CACNA1E: variants seen among roughly 807,000 people sequenced by gnomAD.
CACNA1E encodes the protein voltage-dependent R-type calcium channel subunit alpha-1E.
Under a neutral mutation model 259.2 loss-of-function variants are expected in CACNA1E, and 40 were observed. The observed-to-expected ratio is 0.15, with a 90% CI of 0.12 to 0.20. The LOEUF (loss-of-function observed/expected upper bound fraction) is 0.20, where lower values mean the gene tolerates loss of function less well. Among genes scored for constraint, CACNA1E ranks in the 10% least tolerant of loss-of-function variants. CACNA1E has a pLI of 1.00. For synonymous variants in CACNA1E, 1,104 were observed against 1,138.5 expected, an observed-to-expected ratio of 0.97 and a Z score of 0.61; for missense variants, 1,874 against 3,040.1, an observed-to-expected ratio of 0.62 and a Z score of 9.02.
chr1:181,721,977 A>G, intron 16 of CACNA1E, 102 bp downstream of exon 16: 1 of 768,832 alleles, frequency 1.3e-6, no homozygotes, highest in Admixed American at 1.8e-5. Context: ...TTGGTGGGAC[A>G]GGGGCGTGGA....
intron 3 of CACNA1E, among the ~76,000 whole-genome samples, chr1:181,557,217 C>G (rs577032075): frequency 6.6e-6 from 1 of 152,120 alleles, no homozygotes; most frequent in Non-Finnish European, 1.5e-5. Context: ...CTGGCTGTGC[C>G]GTACAAAGTA....
At position 181,511,499 on chromosome 1, in the gene CACNA1E, G is replaced by C. The variant is rs3856089; in HGVS notation, c.501G>C (p.Val167=). 2.1e-4 allele frequency: 336 copies of C among 1,613,648 alleles called. 1 individual carries two copies. In the African/African-American group the frequency reaches 4.3e-3, roughly 20 times the overall value. ...GCTGGAATGTCATGGACTTCATCGT[G>C]GTCCTCAGTGGGTAAGTCCATTTTC... ...RNGWNVMDFI[V]VLSGILATAG... is the part of the protein sequence containing the mutation. Residue 167 remains valine, a synonymous_variant, in exon 3 of 48, where the codon GTG becomes GTC. Transcript: ENST00000367573.
In CACNA1E at chr1:181,785,836, C is replaced by T. The variant is rs752903811; in HGVS notation, c.5786+17C>T. Reference sequence around the variant, plus strand: ...TTCAGGCCTGTGAGTAGCACCAAAACATCCCTGGCATGGCTGTTTGCAATC... The same window carrying T: ...TTCAGGCCTGTGAGTAGCACCAAAATATCCCTGGCATGGCTGTTTGCAATC... On this transcript the variant is annotated intron_variant, in intron 43 of 47. Coordinates refer to ENST00000367573, the MANE Select transcript of CACNA1E (RefSeq NM_001205293.3). 6.6e-7 allele frequency: 1 copy of T among 1,505,750 alleles called. No individual in the cohort carries two copies. The highest frequency in any genetic ancestry group is 9.1e-7 in the Non-Finnish European group (1 of 1,093,776). 93.3% of individuals were successfully genotyped at this position (1,505,750 alleles called of 1,614,324 possible). A position where few individuals can be genotyped will look rare whatever the true frequency, so the allele number is the denominator to read the frequency against.
At chr1:181,604,002 G>T (rs940136555) in intron 6 of CACNA1E, among the ~76,000 whole-genome samples, 6 of 152,142 alleles carry the variant, frequency 3.9e-5, no homozygotes, top group Admixed American at 3.9e-4. Flanking sequence ...TCTGTACCTT[G>T]CCCTTCCCTG....
chr1:181,738,506 A>C, intron 24 of CACNA1E, 80 bp downstream of exon 24: 1 of 1,134,962 alleles, frequency 8.8e-7, no homozygotes, highest in Non-Finnish European at 1.3e-6. Flanking sequence ...GCCCTTCCTC[A>C]GTGTTACCAC....
intron 6 of CACNA1E, among the ~76,000 whole-genome samples, chr1:181,587,076 AC>A (rs1466390934): frequency 6.6e-6 from 1 of 152,128 alleles, no homozygotes; most frequent in Non-Finnish European, 1.5e-5. Context: ...CATTCATAGT[AC>A]TAGGAGTAGA....
At chr1:181,736,224 A>T (rs752638336) in intron 21 of CACNA1E, 51 bp from the exon 22 acceptor site, 166 of 1,535,770 alleles carry the variant, frequency 1.1e-4, no homozygotes, top group Non-Finnish European at 1.4e-4. Flanking sequence ...AAATGGTGCC[A>T]TTTTCACATG....
At chr1:181,685,847 A>G (rs537292582) in intron 7 of CACNA1E, among the ~76,000 whole-genome samples, 1 of 152,300 alleles carries the variant, frequency 6.6e-6, no homozygotes, top group Admixed American at 6.5e-5. Flanking sequence ...CCTATGTTGT[A>G]TATAAAATGA....
chr1:181,780,604 G>A (rs1324534436), intron 38 of CACNA1E, among the ~76,000 whole-genome samples: 1 of 152,226 alleles, frequency 6.6e-6, no homozygotes, highest in East Asian at 1.9e-4. Flanking sequence ...AGCTGCCTCT[G>A]CTGAGACTCT....
chr1:181,785,454 C>T (rs1660771897), intron 42 of CACNA1E, 36 bp downstream of exon 42: 1 of 1,417,714 alleles, frequency 7.1e-7, no homozygotes, highest in African/African-American at 1.4e-5. Context: ...GTGGGTGGGC[C>T]ATGAGGAGTT....
At chr1:181,339,618 T>C (rs974083412) in intron 1 of CACNA1E, among the ~76,000 whole-genome samples, 8 of 152,028 alleles carry the variant, frequency 5.3e-5, no homozygotes, top group African/African-American at 1.9e-4. Context: ...ACCGACATAG[T>C]ACCTATTTCC....
chr1:181,571,093 G>T (rs1380041375), intron 3 of CACNA1E, among the ~76,000 whole-genome samples: 1 of 152,120 alleles, frequency 6.6e-6, no homozygotes, highest in African/African-American at 2.4e-5. Context: ...GTAAATCAGT[G>T]CTATGTGCAG....
At chr1:181,521,730 A>G (rs1429157941) in intron 3 of CACNA1E, among the ~76,000 whole-genome samples, 3 of 152,194 alleles carry the variant, frequency 2.0e-5, no homozygotes, top group African/African-American at 7.2e-5. Context: ...TGCTAGGATA[A>G]CTTTTCACTG....
At chr1:181,621,739 A>G (rs1459168899) in intron 6 of CACNA1E, among the ~76,000 whole-genome samples, 1 of 152,158 alleles carries the variant, frequency 6.6e-6, no homozygotes, top group African/African-American at 2.4e-5. Flanking sequence ...TTTTTACTAC[A>G]ACCCTATGAA....
chr1:181,350,169 G>A (rs528478298), intron 1 of CACNA1E, among the ~76,000 whole-genome samples: 1 of 152,328 alleles, frequency 6.6e-6, no homozygotes, highest in Non-Finnish European at 1.5e-5. Flanking sequence ...TAATTATGCA[G>A]GCAGCCTTCC....
At chr1:181,482,827 C>G (rs1168453243), upstream of CACNA1E, among the ~76,000 whole-genome samples, 1 of 151,542 alleles carries the variant, frequency 6.6e-6, no homozygotes. Flanking sequence ...CGCCCGCCCG[C>G]TCGCACTCCC....
At chr1:181,617,486 G>A (rs1038492449) in intron 6 of CACNA1E, among the ~76,000 whole-genome samples, 2 of 152,158 alleles carry the variant, frequency 1.3e-5, no homozygotes, top group African/African-American at 4.8e-5. Context: ...CAAGTGAATC[G>A]GTGCAACTCC....
chr1:181,569,872 C>T (rs960421624), intron 3 of CACNA1E, among the ~76,000 whole-genome samples: 15 of 152,094 alleles, frequency 9.9e-5, no homozygotes, highest in Non-Finnish European at 1.6e-4. Context: ...AACTGAGTTA[C>T]GAGGATCTAA....
intron 2 of CACNA1E, among the ~76,000 whole-genome samples, chr1:181,458,664 A>T (rs1345027596): frequency 6.6e-6 from 1 of 152,230 alleles, no homozygotes; most frequent in Non-Finnish European, 1.5e-5. Context: ...CTCCATGCCT[A>T]TGAATATAGA....
Sources: gnomAD v4.1 joint callset for allele counts (sites outside exome capture counted in the v4.1 genomes callset) on GRCh38, gnomAD v4.1.1 for gene constraint, MANE v1.5 for transcripts, NCBI Gene and HGNC (gene_info 2026-07-23, HGNC 2026-07-21) for gene names.